Variants in APLP2 observed in about 807,000 individuals in gnomAD.
The protein encoded by APLP2 is amyloid beta precursor like protein 2, also known as CDEI box-binding protein.
APLP2 carries 53 observed loss-of-function variants against 89.9 expected under a neutral mutation model. The observed-to-expected ratio is 0.59, with a 90% CI of 0.47 to 0.74. The LOEUF (loss-of-function observed/expected upper bound fraction) is 0.74. APLP2 is among the 30% of genes least tolerant of loss of function. APLP2 has a pLI of 0.00. For synonymous variants in APLP2, 372 were observed against 348.6 expected (o/e 1.07, Z -0.75); for missense variants, 973 against 975.9 (o/e 1.00, Z 0.04).
chr11:130,070,872 G>GCA (rs1940895171), intron 1 of APLP2: 1 of 755,754 alleles, frequency 1.3e-6, no homozygotes, highest in Non-Finnish European at 1.7e-6. Context: ...CTTCGAGGTC[G>GCA]CACCCTGAGC....
At chr11:130,094,630 C>T (rs1052624794) in intron 1 of APLP2, among the ~76,000 whole-genome samples, 2 of 152,208 alleles carry the variant, frequency 1.3e-5, no homozygotes, top group African/African-American at 2.4e-5. Flanking sequence ...ATTTAGCGTT[C>T]ATCCAAATTA....
Position 130,080,589 on chromosome 11 carries a change from A to G in APLP2, c.105+10507A>G, listed in dbSNP as rs188303543. 3.0e-3 allele frequency among the ~76,000 whole-genome samples: 461 copies of G among 151,922 alleles called. 3 individuals carry two copies. The highest frequency in any genetic ancestry group is 0.011 in the African/African-American group (436 of 41,404). On this transcript the variant is annotated intron_variant, in intron 1 of 16. Coordinates refer to ENST00000338167, the MANE Select transcript of APLP2 (RefSeq NM_001142276.2). ...TGTTCCAGACAAAAATTTTCATTCT[A>G]CCTGGAGCCTGAGGACACTAGCAAT... is the stretch of plus-strand genomic sequence containing the variant.
chr11:130,133,334 G>T (rs988866142), intron 11 of APLP2, among the ~76,000 whole-genome samples: 1 of 152,048 alleles, frequency 6.6e-6, no homozygotes, highest in Non-Finnish European at 1.5e-5. Flanking sequence ...TGTTGACCAG[G>T]CTGGTCTCAA....
At chr11:130,131,792 G>C (rs528421178) in intron 11 of APLP2, among the ~76,000 whole-genome samples, 13 of 152,290 alleles carry the variant, frequency 8.5e-5, no homozygotes, top group African/African-American at 3.1e-4. Context: ...GAGAATTCCT[G>C]CAAGTGAGAT....
Position 130,069,905 on chromosome 11 carries a change from G to T in APLP2, c.-73G>T. 1.7e-6 allele frequency: 2 copies of T among 1,169,428 alleles called. No individual in the cohort carries two copies. Among genetic ancestry groups the T allele is most frequent in the South Asian group, 1.4e-5 (1 of 73,948 alleles). 72.4% of individuals were successfully genotyped at this position (1,169,428 alleles called of 1,614,324 possible). A position where few individuals can be genotyped will look rare whatever the true frequency, so the allele number is the denominator to read the frequency against. On this transcript the variant is annotated 5_prime_UTR_variant, in exon 1 of 17. Transcript: ENST00000338167. Reference sequence around the variant, plus strand: ...GGCGAACTGGCTTTAGATGCTTCTGGGTCGCGGTGTGCTAAGCGAGGAGTC... The same window carrying T: ...GGCGAACTGGCTTTAGATGCTTCTGTGTCGCGGTGTGCTAAGCGAGGAGTC...
At position 130,123,902 on chromosome 11, in the gene APLP2, G is replaced by A. The variant is rs1022031022; in HGVS notation, c.1090+123G>A. On this transcript the variant is annotated intron_variant, in intron 7 of 16. Coordinates refer to ENST00000338167, the MANE Select transcript of APLP2 (RefSeq NM_001142276.2). The surrounding 1 kb of genome is among the most constrained non-coding windows in gnomAD (Gnocchi z 4.0). ...CCCACTCGGGTGTTTGCTGTCGGTC[G>A]TCTTCCCCTCATCTTTGTGCTTTCT... 3.1e-5 allele frequency: 33 copies of A among 1,074,624 alleles called. No individual in the cohort carries two copies. The highest frequency in any genetic ancestry group is 8.9e-5 in the South Asian group (6 of 67,418). 66.6% of individuals were successfully genotyped at this position (1,074,624 alleles called of 1,614,324 possible).
chr11:130,091,839 C>T (rs1239803695), intron 1 of APLP2, among the ~76,000 whole-genome samples: 1 of 148,780 alleles, frequency 6.7e-6, no homozygotes, highest in Non-Finnish European at 1.5e-5. Flanking sequence ...CCACCTCCCT[C>T]CCGGACGGGG....
rs757343936 is a variant in APLP2, at chr11:130,130,148, G to T, written c.1566G>T (p.Ala522=). ...QHVLAVDPEK[A]AQMKSQVMTH... ...TGTTGGCTGTTGACCCAGAAAAGGC[G>T]GCCCAGATGAAATCCCAGGTACAGT... Residue 522 remains alanine (A), a synonymous_variant, in exon 11 of 17, where the codon GCG becomes GCT. Coordinates refer to ENST00000338167, the MANE Select transcript of APLP2 (RefSeq NM_001142276.2). 6.2e-7 allele frequency: 1 copy of T among 1,614,182 alleles called. No homozygotes were observed. The highest frequency in any genetic ancestry group is 1.3e-5 in the African/African-American group (1 of 75,032).
chr11:130,135,094 G>A (rs1299229963), intron 12 of APLP2, among the ~76,000 whole-genome samples: 1 of 152,028 alleles, frequency 6.6e-6, no homozygotes, highest in Admixed American at 6.5e-5. Context: ...GTAGTTACGT[G>A]GGGTGGATAC....
chr11:130,131,590 C>T (rs1351487730), intron 11 of APLP2, among the ~76,000 whole-genome samples: 1 of 152,140 alleles, frequency 6.6e-6, no homozygotes, highest in Non-Finnish European at 1.5e-5. Context: ...AGGAGAAAGT[C>T]CAAGAGGCCT....
At chr11:130,137,196 C>CT in intron 13 of APLP2, 3 of 1,478,586 alleles carry the variant, frequency 2.0e-6, no homozygotes, top group Non-Finnish European at 2.8e-6. Flanking sequence ...AAGCCATTTT[C>CT]TTTTTTAATC....
rs181297695 is a variant in APLP2 at position 130,105,568 on chromosome 11, A to G, written c.106-3861A>G. Among the ~76,000 whole-genome samples, 501 of 152,172 alleles carry G rather than the reference A, an allele frequency of 3.3e-3. 1 individual carries two copies. The highest frequency in any genetic ancestry group is 6.0e-3 in the Non-Finnish European group (407 of 67,984). On this transcript the variant is annotated intron_variant, in intron 1 of 16. Coordinates refer to ENST00000338167, the MANE Select transcript of APLP2 (RefSeq NM_001142276.2). ...TTAACTTAAGAACTGTTATTTGTTT[A>G]TTTATTTTAATTTTGAAGAAAGTTT...
At chr11:130,070,416 C>G (rs1481715782) in intron 1 of APLP2, among the ~76,000 whole-genome samples, 1 of 151,506 alleles carries the variant, frequency 6.6e-6, no homozygotes, top group African/African-American at 2.4e-5. Flanking sequence ...CCGCCCCGCC[C>G]TCCCCCGGGA....
chr11:130,093,543 T>G lies in APLP2; in HGVS notation c.106-15886T>G, dbSNP rs540961635. On this transcript the variant is annotated intron_variant, in intron 1 of 16. Transcript: ENST00000338167. ...ACAAAAAGAAACTAGAAAAGATAAGTAGAAGGTCAATCTAGGAGGTCTAAG... is the reference window on the plus strand; with the variant it reads ...ACAAAAAGAAACTAGAAAAGATAAGGAGAAGGTCAATCTAGGAGGTCTAAG... Among the ~76,000 whole-genome samples the G allele has an allele frequency of 9.2e-5, 14 of 152,180 alleles. No individual in the cohort carries two copies. In the East Asian group the frequency reaches 2.7e-3, roughly 29 times the overall value.
In APLP2 at chr11:130,137,279, C is replaced by T. The variant is rs1378440478; in HGVS notation, c.1837+1564C>T. On this transcript the variant is annotated intron_variant, in intron 13 of 16. Coordinates refer to ENST00000338167, the MANE Select transcript of APLP2 (RefSeq NM_001142276.2). ...AGACACTCAGCCGGAGTTGTACCACCCAATGAAAAAAGGTTGGTTTGTCCA... is the reference window on the plus strand; with the variant it reads ...AGACACTCAGCCGGAGTTGTACCACTCAATGAAAAAAGGTTGGTTTGTCCA... 2 of 1,614,004 alleles carry T rather than the reference C, an allele frequency of 1.2e-6. No homozygotes were observed. Among genetic ancestry groups the T allele is most frequent in the African/African-American group, 1.3e-5 (1 of 75,012 alleles).
chr11:130,074,802 C>T (rs576560078), intron 1 of APLP2, among the ~76,000 whole-genome samples: 2 of 152,214 alleles, frequency 1.3e-5, no homozygotes, highest in South Asian at 2.1e-4. Context: ...ATGATTATTT[C>T]GAATTATGCT....
At chr11:130,082,181 T>A (rs1349458553) in intron 1 of APLP2, among the ~76,000 whole-genome samples, 1 of 119,544 alleles carries the variant, frequency 8.4e-6, no homozygotes, top group Non-Finnish European at 1.7e-5. Context: ...AAAACTTCAT[T>A]TTTTTTTTTG....
Position 130,123,862 on chromosome 11 carries a change from T to C in APLP2, c.1090+83T>C. ...TCCCTGCCGTCTTCGTGGCTGCATCTGTGTGGTGTCCCTGCCCACTCGGGT... is the reference window on the plus strand; with the variant it reads ...TCCCTGCCGTCTTCGTGGCTGCATCCGTGTGGTGTCCCTGCCCACTCGGGT... On this transcript the variant is annotated intron_variant, in intron 7 of 16. Transcript: ENST00000338167. This position sits in a 1 kb window ranked among gnomAD's most constrained non-coding sequence, Gnocchi z 4.0. 6.7e-7 allele frequency: 1 copy of C among 1,491,052 alleles called. No homozygotes were observed. The allele number at this position is 1,491,052 out of a possible 1,614,324, so 92.4% of individuals were successfully genotyped here.
intron 11 of APLP2, among the ~76,000 whole-genome samples, chr11:130,132,382 A>T (rs1234068438): frequency 6.6e-6 from 1 of 152,070 alleles, no homozygotes; most frequent in Non-Finnish European, 1.5e-5. Context: ...TTGATCCTTC[A>T]TGTTAATGGC....
Sources: gnomAD v4.1 joint callset for allele counts (sites outside exome capture counted in the v4.1 genomes callset) on GRCh38, gnomAD v4.1.1 for gene constraint, Gnocchi (gnomAD v3.1) non-coding constraint, MANE v1.5 for transcripts, NCBI Gene and HGNC (gene_info 2026-07-23, HGNC 2026-07-21) for gene names.